The following CADM2 variants were observed in gnomAD, a reference collection of about 807,000 sequenced individuals.
CADM2 encodes the protein immunoglobulin superfamily member 4D.
In CADM2, 12 loss-of-function variants were observed where a neutral mutation model predicts 49.8. The ratio of observed to expected loss-of-function variants is 0.24; its 90% CI spans 0.15 to 0.39. The LOEUF (loss-of-function observed/expected upper bound fraction) is 0.39, where lower values mean the gene tolerates loss of function less well. Ranked by LOEUF, CADM2 falls within the 10% of genes least tolerant of loss-of-function variation. CADM2 has a pLI of 1.00. For missense variants in CADM2, 378 were observed against 492.3 expected (o/e 0.77, Z 2.20); for synonymous variants, 214 against 175.4 (o/e 1.22, Z -1.74).
At chr3:85,031,290 T>A (rs184908559) in intron 1 of CADM2, among the ~76,000 whole-genome samples, 89 of 152,320 alleles carry the variant, frequency 5.8e-4, no homozygotes, top group African/African-American at 2.1e-3. Flanking sequence ...AGTTAGTATG[T>A]CAGCCTTGCA....
In CADM2 at chr3:85,147,047, CG is replaced by C. The variant is rs556792244; in HGVS notation, c.61+187381del. 6.6e-5 allele frequency among the ~76,000 whole-genome samples: 10 copies of C among 152,016 alleles called. No homozygotes were observed. The South Asian group carries it at 2.1e-3, about 32-fold the overall frequency. On this transcript the variant is annotated intron_variant, in intron 1 of 9. Coordinates refer to ENST00000383699, the MANE Select transcript of CADM2 (RefSeq NM_001167675.2). ...CAGCACTTTGGGAGGCCGACACGGGCGGATCACCTGAGGTCAGGAGGTCAAG... is the reference window on the plus strand; with the variant it reads ...CAGCACTTTGGGAGGCCGACACGGGCGATCACCTGAGGTCAGGAGGTCAAG...
intron 1 of CADM2, among the ~76,000 whole-genome samples, chr3:85,354,643 A>AGAGAGAGAGAG (rs71108278): frequency 4.0e-5 from 6 of 149,214 alleles, no homozygotes; most frequent in Non-Finnish European, 5.9e-5. Context: ...AGAGAGAGAG[A>AGAGAGAGAGAG]AGCCTATTCT....
intron 1 of CADM2, among the ~76,000 whole-genome samples, chr3:84,972,645 T>G (rs961695990): frequency 6.6e-6 from 1 of 152,226 alleles, no homozygotes; most frequent in African/African-American, 2.4e-5. Flanking sequence ...GATTTCATAT[T>G]TCTGTGCATT....
At chr3:85,174,301 ATAAGAG>A (rs1275488440) in intron 1 of CADM2, among the ~76,000 whole-genome samples, 1 of 152,164 alleles carries the variant, frequency 6.6e-6, no homozygotes, top group East Asian at 1.9e-4. Flanking sequence ...CGAAAAGCAC[ATAAGAG>A]TAGTTTAAAT....
chr3:85,770,152 T>C (rs1000290750), intron 2 of CADM2, among the ~76,000 whole-genome samples: 2 of 152,130 alleles, frequency 1.3e-5, no homozygotes, highest in Non-Finnish European at 2.9e-5. Flanking sequence ...AGTGTTCTTA[T>C]CTGAAAGATA....
intron 8 of CADM2, among the ~76,000 whole-genome samples, chr3:86,041,389 C>T (rs960437427): frequency 1.2e-4 from 19 of 152,072 alleles, no homozygotes; most frequent in African/African-American, 3.9e-4. Context: ...GGAGGAAGAT[C>T]TACGAAGCAA....
At chr3:85,352,839 G>A (rs2031482978) in intron 1 of CADM2, among the ~76,000 whole-genome samples, 1 of 152,052 alleles carries the variant, frequency 6.6e-6, no homozygotes, top group East Asian at 1.9e-4. Context: ...ATGTGGTTCT[G>A]GTTATTAATT....
chr3:85,380,531 T>C (rs2033844253), intron 1 of CADM2, among the ~76,000 whole-genome samples: 1 of 151,962 alleles, frequency 6.6e-6, no homozygotes, highest in Admixed American at 6.6e-5. Flanking sequence ...TTTCAATTAA[T>C]ATATTTTTAA....
At chr3:85,618,635 A>G (rs1020870345) in intron 1 of CADM2, among the ~76,000 whole-genome samples, 2 of 152,078 alleles carry the variant, frequency 1.3e-5, no homozygotes, top group African/African-American at 4.8e-5. Context: ...CTTGATATGT[A>G]TTTGTGTGCC....
chr3:85,339,736 G>A (rs2045190601), intron 1 of CADM2, among the ~76,000 whole-genome samples: 1 of 151,124 alleles, frequency 6.6e-6, no homozygotes, highest in Non-Finnish European at 1.5e-5. Flanking sequence ...CAAATGTTTA[G>A]GATAATTATT....
chr3:85,291,546 G>T (rs1000487604), intron 1 of CADM2, among the ~76,000 whole-genome samples: 1 of 146,920 alleles, frequency 6.8e-6, no homozygotes, highest in African/African-American at 2.7e-5. Context: ...GAGAAAGGTC[G>T]GGTTACCCTC....
At chr3:84,969,538 G>A (rs992878908) in intron 1 of CADM2, among the ~76,000 whole-genome samples, 1 of 150,618 alleles carries the variant, frequency 6.6e-6, no homozygotes, top group South Asian at 2.1e-4. Flanking sequence ...TCCACTGATT[G>A]ATTAGTTTTC....
At chr3:85,796,575 A>G (rs1338337326) in intron 2 of CADM2, among the ~76,000 whole-genome samples, 1 of 152,120 alleles carries the variant, frequency 6.6e-6, no homozygotes, top group African/African-American at 2.4e-5. Context: ...AAAGCCTCTG[A>G]TATCAGATTT....
intron 1 of CADM2, among the ~76,000 whole-genome samples, chr3:85,013,405 C>G (rs370068984): frequency 2.6e-5 from 4 of 151,780 alleles, no homozygotes; most frequent in Admixed American, 2.0e-4. Flanking sequence ...GAATCAAATA[C>G]TTAAAACATT....
intron 1 of CADM2, among the ~76,000 whole-genome samples, chr3:85,432,123 CTG>C (rs1318461331): frequency 4.6e-5 from 7 of 151,106 alleles, no homozygotes; most frequent in African/African-American, 1.2e-4. Context: ...GATTGGAAGA[CTG>C]TGAATTTGAA....
intron 1 of CADM2, among the ~76,000 whole-genome samples, chr3:85,577,278 G>C (rs903929047): frequency 6.6e-6 from 1 of 152,080 alleles, no homozygotes; most frequent in Non-Finnish European, 1.5e-5. Context: ...CCAATATAAC[G>C]GGGTTGAAAA....
At chr3:85,363,404 T>G (rs1345837315) in intron 1 of CADM2, among the ~76,000 whole-genome samples, 1 of 152,254 alleles carries the variant, frequency 6.6e-6, no homozygotes, top group East Asian at 1.9e-4. Context: ...ACCTGTGGAT[T>G]GCATCTATAG....
At chr3:85,287,628 T>C (rs2043666358) in intron 1 of CADM2, among the ~76,000 whole-genome samples, 1 of 152,170 alleles carries the variant, frequency 6.6e-6, no homozygotes, top group East Asian at 1.9e-4. Context: ...ACTACAAATA[T>C]GCATGGACTT....
intron 2 of CADM2, among the ~76,000 whole-genome samples, chr3:85,746,906 A>C (rs1265295703): frequency 6.6e-6 from 1 of 152,086 alleles, no homozygotes; most frequent in East Asian, 1.9e-4. Flanking sequence ...CTGAGGGCTG[A>C]GGCTTTTAAA....
Sources: allele counts gnomAD v4.1 joint callset (sites outside exome capture counted in the v4.1 genomes callset), GRCh38; gene constraint gnomAD v4.1.1; transcripts MANE v1.5; gene names NCBI Gene and HGNC (gene_info 2026-07-23, HGNC 2026-07-21).